Variants in DRC9 observed in about 807,000 individuals in gnomAD.
DRC9 encodes dynein regulatory complex subunit 9, also known as dynein regulatory complex protein 9.
the DRC9 span, among the ~76,000 whole-genome samples, chr3:197,947,470 T>G: frequency 6.6e-6 from 1 of 152,300 alleles, no homozygotes; most frequent in African/African-American, 2.4e-5. Context: ...CTTTCCTTGC[T>G]CTCTGGGCTC....
chr3:197,943,879 C>T, the DRC9 span: 1 of 1,613,966 alleles, frequency 6.2e-7, no homozygotes, highest in Non-Finnish European at 8.5e-7. Flanking sequence ...ATCCTCAGCA[C>T]ATCTGGAAGG....
the DRC9 span, chr3:197,959,211 A>G: frequency 6.6e-6 from 1 of 152,224 alleles, no homozygotes; most frequent in African/African-American, 2.4e-5. Flanking sequence ...GTCTCAAAAA[A>G]AAAAGAAACA....
chr3:197,930,839 T>A, the DRC9 span, among the ~76,000 whole-genome samples: 1 of 149,780 alleles, frequency 6.7e-6, no homozygotes, highest in Non-Finnish European at 1.5e-5. Context: ...ATCAAGACCA[T>A]CCTGGCCAAC....
At chr3:197,959,682 C>G in the DRC9 span, 1 of 152,450 alleles carries the variant, frequency 6.6e-6, no homozygotes, top group Non-Finnish European at 1.5e-5. Context: ...GCCAGGATCC[C>G]CCTTATCTCA....
the DRC9 span, among the ~76,000 whole-genome samples, chr3:197,937,238 G>C: frequency 6.6e-6 from 1 of 152,136 alleles, no homozygotes; most frequent in African/African-American, 2.4e-5. Flanking sequence ...TTGTCATCGA[G>C]CCAGCTGACA....
chr3:197,893,876 G>A, the DRC9 span, among the ~76,000 whole-genome samples: 3 of 152,140 alleles, frequency 2.0e-5, no homozygotes, highest in East Asian at 5.8e-4. Context: ...AGAAAAGCAA[G>A]TGAATGTGAA....
chr3:197,957,922 G>A, the DRC9 span: 4 of 152,230 alleles, frequency 2.6e-5, no homozygotes, highest in Admixed American at 2.6e-4. Flanking sequence ...GAAATGGCAG[G>A]AAGATTTTAG....
chr3:197,904,100 ATATATATATAT>A, the DRC9 span, among the ~76,000 whole-genome samples: 62 of 47,954 alleles, frequency 1.3e-3, 1 homozygote, highest in African/African-American at 4.0e-3. Context: ...ATATATATAT[ATATATATATAT>A]TTTTTTTTTT....
the DRC9 span, among the ~76,000 whole-genome samples, chr3:197,898,467 TCAAAA>T: frequency 2.6e-5 from 4 of 152,252 alleles, no homozygotes; most frequent in South Asian, 2.1e-4. Flanking sequence ...AGAAAATTAC[TCAAAA>T]CAAAAACCAG....
At chr3:197,951,104 G>C in the DRC9 span, 1 of 1,612,226 alleles carries the variant, frequency 6.2e-7, no homozygotes, top group Non-Finnish European at 8.5e-7. Flanking sequence ...GTGATTACAA[G>C]TCAGATTGGT....
chr3:197,950,005 A>G, the DRC9 span: 2 of 706,764 alleles, frequency 2.8e-6, no homozygotes, highest in Non-Finnish European at 3.9e-6. Flanking sequence ...CAAGTAGTAC[A>G]TTTTGCAGCC....
the DRC9 span, among the ~76,000 whole-genome samples, chr3:197,925,218 G>C: frequency 1.5e-4 from 22 of 144,158 alleles, no homozygotes; most frequent in Admixed American, 9.7e-4. Flanking sequence ...GGTCATCTGT[G>C]GGGGAGGGTG....
At chr3:197,913,581 A>T in the DRC9 span, 1 of 534,332 alleles carries the variant, frequency 1.9e-6, no homozygotes, top group Non-Finnish European at 3.4e-6. Flanking sequence ...CCCTCTCCCT[A>T]TAATTAGTCA....
chr3:197,910,221 G>A, the DRC9 span, among the ~76,000 whole-genome samples: 1 of 152,084 alleles, frequency 6.6e-6, no homozygotes, highest in East Asian at 1.9e-4. Flanking sequence ...GATCACTTGG[G>A]CCCAGGAGTT....
chr3:197,943,258 T>C, the DRC9 span, among the ~76,000 whole-genome samples: 2 of 152,226 alleles, frequency 1.3e-5, no homozygotes, highest in Non-Finnish European at 2.9e-5. Context: ...GTATTCATAC[T>C]GATTTCAGTA....
the DRC9 span, among the ~76,000 whole-genome samples, chr3:197,918,832 G>A: frequency 2.0e-5 from 3 of 152,090 alleles, no homozygotes; most frequent in East Asian, 1.9e-4. Context: ...GTTTTAGACC[G>A]AGTTTTGCTC....
At chr3:197,918,654 T>C in the DRC9 span, among the ~76,000 whole-genome samples, 1 of 152,202 alleles carries the variant, frequency 6.6e-6, no homozygotes, top group East Asian at 1.9e-4. Context: ...TACAAAAATA[T>C]ACTTTTGAAA....
At chr3:197,947,558 C>T in the DRC9 span, among the ~76,000 whole-genome samples, 30,140 of 152,108 alleles carry the variant, frequency 0.2, 4,868 homozygotes, top group African/African-American at 0.45. Context: ...CCTGCTATTC[C>T]TTCCAGTGGA....
the DRC9 span, chr3:197,959,955 A>C: frequency 2.0e-6 from 1 of 512,270 alleles, no homozygotes. Context: ...GAACTGAAAA[A>C]CTGCCTCAAG....
Sources: gnomAD v4.1 joint callset for allele counts (sites outside exome capture counted in the v4.1 genomes callset) on GRCh38, gnomAD v4.1.1 for gene constraint, MANE v1.5 for transcripts, NCBI Gene and HGNC (gene_info 2026-07-23, HGNC 2026-07-21) for gene names.